TMEM132D: variants seen among roughly 807,000 people sequenced by gnomAD.
The protein encoded by TMEM132D is transmembrane protein 132D, also known as mature OL transmembrane protein.
Under a neutral mutation model 62.3 loss-of-function variants are expected in TMEM132D, and 21 were observed. The ratio of observed to expected loss-of-function variants is 0.34; its 90% CI spans 0.24 to 0.49. The LOEUF (loss-of-function observed/expected upper bound fraction) is 0.49. TMEM132D is among the 20% of genes least tolerant of loss of function. The pLI, the probability that TMEM132D is intolerant of heterozygous loss-of-function variation, is 0.99. For missense variants in TMEM132D, 1,346 were observed against 1,402.8 expected, an observed-to-expected ratio of 0.96 and a Z score of 0.65; for synonymous variants, 621 against 575.6, an observed-to-expected ratio of 1.08 and a Z score of -1.13.
At chr12:129,334,045 T>C (rs1050407309) in intron 4 of TMEM132D, among the ~76,000 whole-genome samples, 11 of 151,964 alleles carry the variant, frequency 7.2e-5, no homozygotes, top group African/African-American at 1.2e-4. Flanking sequence ...CGCTTGAACC[T>C]GGGGGGCAGA....
chr12:129,883,523 T>C (rs1874666794), intron 1 of TMEM132D, among the ~76,000 whole-genome samples: 1 of 152,222 alleles, frequency 6.6e-6, no homozygotes, highest in Non-Finnish European at 1.5e-5. Flanking sequence ...TTTGTTTTTA[T>C]TTGCTTTAGA....
intron 1 of TMEM132D, among the ~76,000 whole-genome samples, chr12:129,884,739 ATGTGACCCC>A: frequency 6.6e-6 from 1 of 152,182 alleles, no homozygotes; most frequent in Non-Finnish European, 1.5e-5. Flanking sequence ...CACACATCTC[ATGTGACCCC>A]AGCAATGTCA....
At chr12:129,230,309 G>GGGT (rs1016903794) in intron 4 of TMEM132D, among the ~76,000 whole-genome samples, 1 of 149,256 alleles carries the variant, frequency 6.7e-6, no homozygotes, top group Non-Finnish European at 1.5e-5. Context: ...TGTGTTGGAG[G>GGGT]GGGGGGGCTC....
intron 3 of TMEM132D, among the ~76,000 whole-genome samples, chr12:129,366,910 T>C (rs922916733): frequency 6.6e-6 from 1 of 151,988 alleles, no homozygotes; most frequent in Non-Finnish European, 1.5e-5. Context: ...GGATTTAGGG[T>C]GGAATTCGCA....
chr12:129,347,440 C>T (rs878935433), intron 3 of TMEM132D, among the ~76,000 whole-genome samples: 8 of 152,128 alleles, frequency 5.3e-5, no homozygotes, highest in Non-Finnish European at 1.0e-4. Flanking sequence ...ACACACCTGA[C>T]AAAAACAAGC....
intron 2 of TMEM132D, among the ~76,000 whole-genome samples, chr12:129,644,716 C>G (rs1353163202): frequency 6.6e-6 from 1 of 151,762 alleles, no homozygotes. Context: ...CAGTGGCTCA[C>G]ACCTGTAATC....
intron 3 of TMEM132D, among the ~76,000 whole-genome samples, chr12:129,385,182 T>C (rs886205157): frequency 1.2e-4 from 17 of 144,214 alleles, no homozygotes; most frequent in Non-Finnish European, 2.5e-4. Flanking sequence ...CTTGGCTCAC[T>C]GCAACTTCCG....
In TMEM132D at chr12:129,501,222, C is replaced by T. The variant is rs565358085; in HGVS notation, c.1115+29837G>A. On this transcript the variant is annotated intron_variant, in intron 3 of 8. Transcript: ENST00000422113. ...CATTTCACAGAGATTGAAGGACTCA[C>T]GATCTATCCCCTCAGATTAGAAAAA... 2.0e-5 allele frequency among the ~76,000 whole-genome samples: 3 copies of T among 152,250 alleles called. No individual in the cohort carries two copies. The East Asian group carries it at 5.8e-4, about 29-fold the overall frequency.
chr12:129,690,235 A>T (rs1048538657), intron 2 of TMEM132D, among the ~76,000 whole-genome samples: 2 of 152,208 alleles, frequency 1.3e-5, no homozygotes, highest in African/African-American at 4.8e-5. Flanking sequence ...CCAAGAGAGG[A>T]TAGCAAATGT....
intron 4 of TMEM132D, among the ~76,000 whole-genome samples, chr12:129,336,115 C>A (rs1439703708): frequency 6.6e-6 from 1 of 152,176 alleles, no homozygotes; most frequent in Non-Finnish European, 1.5e-5. Context: ...AACTTCTTTA[C>A]ATGAAAGAAG....
intron 1 of TMEM132D, among the ~76,000 whole-genome samples, chr12:129,802,650 C>T (rs1418078609): frequency 7.1e-6 from 1 of 140,750 alleles, no homozygotes; most frequent in African/African-American, 2.6e-5. Flanking sequence ...AAATAACCAG[C>T]TAACATCATA....
intron 2 of TMEM132D, among the ~76,000 whole-genome samples, chr12:129,628,108 A>G (rs1055114284): frequency 6.6e-6 from 1 of 152,236 alleles, no homozygotes; most frequent in African/African-American, 2.4e-5. Flanking sequence ...TGTTGATAAA[A>G]TTCACTAGAA....
intron 3 of TMEM132D, among the ~76,000 whole-genome samples, chr12:129,515,237 T>C (rs1875636782): frequency 6.6e-6 from 1 of 152,204 alleles, no homozygotes; most frequent in African/African-American, 2.4e-5. Context: ...AAACGCTGTG[T>C]CTTGTTGCTG....
intron 3 of TMEM132D, among the ~76,000 whole-genome samples, chr12:129,433,884 T>C (rs1224589154): frequency 6.6e-6 from 1 of 152,178 alleles, no homozygotes; most frequent in African/African-American, 2.4e-5. Flanking sequence ...AGAGACCATA[T>C]GCCAAACCAA....
intron 3 of TMEM132D, among the ~76,000 whole-genome samples, chr12:129,358,737 C>T (rs1439285607): frequency 6.6e-6 from 1 of 152,140 alleles, no homozygotes; most frequent in Non-Finnish European, 1.5e-5. Context: ...GACAGTTTCT[C>T]AGAGGAGACC....
intron 5 of TMEM132D, among the ~76,000 whole-genome samples, chr12:129,090,057 G>A (rs1161513031): frequency 6.6e-6 from 1 of 152,224 alleles, no homozygotes; most frequent in Non-Finnish European, 1.5e-5. Context: ...CCTTCACGAT[G>A]AGGCAGTCAA....
At chr12:129,578,796 T>C (rs980405788) in intron 2 of TMEM132D, among the ~76,000 whole-genome samples, 1 of 152,120 alleles carries the variant, frequency 6.6e-6, no homozygotes, top group Non-Finnish European at 1.5e-5. Flanking sequence ...TCAGAGTTAA[T>C]TCAACCTTCC....
chr12:129,389,366 A>G (rs1255709348), intron 3 of TMEM132D, among the ~76,000 whole-genome samples: 1 of 152,144 alleles, frequency 6.6e-6, no homozygotes, highest in Non-Finnish European at 1.5e-5. Flanking sequence ...CACCAGAACT[A>G]CTAACAGTAA....
At chr12:129,148,052 C>T (rs981991645) in intron 5 of TMEM132D, among the ~76,000 whole-genome samples, 2 of 152,172 alleles carry the variant, frequency 1.3e-5, no homozygotes, top group Non-Finnish European at 2.9e-5. Context: ...GACACCCTCA[C>T]CTACATCTCC....
Sources: gnomAD v4.1 joint callset for allele counts (sites outside exome capture counted in the v4.1 genomes callset) on GRCh38, gnomAD v4.1.1 for gene constraint, MANE v1.5 for transcripts, NCBI Gene and HGNC (gene_info 2026-07-23, HGNC 2026-07-21) for gene names.